Variants in CPNE8 observed in about 807,000 individuals in gnomAD.
CPNE8 encodes copine 8.
CPNE8 carries 45 observed loss-of-function variants against 81.5 expected under a neutral mutation model. The observed-to-expected ratio is 0.55, with a 90% CI of 0.44 to 0.71. The LOEUF (loss-of-function observed/expected upper bound fraction) is 0.71, where lower values mean the gene tolerates loss of function less well. Ranked by LOEUF, CPNE8 falls within the 30% of genes least tolerant of loss-of-function variation. The probability of loss-of-function intolerance (pLI) is 0.00; values close to 1 mark genes in which losing one functional copy is unlikely to be tolerated. For synonymous variants in CPNE8, 252 were observed against 226.3 expected, an observed-to-expected ratio of 1.11 and a Z score of -1.02; for missense variants, 594 against 672.1, an observed-to-expected ratio of 0.88 and a Z score of 1.28.
intron 3 of CPNE8, among the ~76,000 whole-genome samples, chr12:38,850,689 A>G (rs147346320): frequency 2.6e-5 from 4 of 152,130 alleles, no homozygotes; most frequent in Non-Finnish European, 5.9e-5. Flanking sequence ...GCAGCATGTG[A>G]CACAGCTGTC....
chr12:38,760,451 A>ATATATATATATATATATG (rs749406707), intron 10 of CPNE8, among the ~76,000 whole-genome samples: 2,340 of 119,992 alleles, frequency 0.02, 82 homozygotes, highest in East Asian at 0.081. Flanking sequence ...ATATATATAT[A>ATATATATATATATATATG]TGTGTGTGTA....
intron 1 of CPNE8, among the ~76,000 whole-genome samples, chr12:38,904,165 C>T (rs1944529002): frequency 6.6e-6 from 1 of 152,056 alleles, no homozygotes; most frequent in East Asian, 1.9e-4. Context: ...GGCAAGTTTG[C>T]TAAGGAAAGG....
chr12:38,689,804 T>TA (rs1452529551), intron 15 of CPNE8, among the ~76,000 whole-genome samples: 3 of 152,188 alleles, frequency 2.0e-5, no homozygotes, highest in Non-Finnish European at 4.4e-5. Flanking sequence ...TCATTAGAAA[T>TA]ACCTCTACCA....
intron 1 of CPNE8, among the ~76,000 whole-genome samples, chr12:38,880,970 G>A (rs1464878256): frequency 6.6e-6 from 1 of 152,086 alleles, no homozygotes; most frequent in Non-Finnish European, 1.5e-5. Flanking sequence ...CAGCACTTTG[G>A]GAGGCCAAGA....
chr12:38,851,030 G>T (rs1175321591), intron 3 of CPNE8, among the ~76,000 whole-genome samples: 2 of 152,180 alleles, frequency 1.3e-5, no homozygotes, highest in Non-Finnish European at 2.9e-5. Context: ...GCCATCATTT[G>T]CCCTTCCGTC....
chr12:38,810,841 C>A (rs1221645616), intron 6 of CPNE8, among the ~76,000 whole-genome samples: 2 of 152,104 alleles, frequency 1.3e-5, no homozygotes, highest in Non-Finnish European at 2.9e-5. Context: ...AATTCATTTT[C>A]TTCTCATGAT....
chr12:38,890,705 A>AT (rs1379932706), intron 1 of CPNE8, among the ~76,000 whole-genome samples: 1 of 152,020 alleles, frequency 6.6e-6, no homozygotes, highest in Non-Finnish European at 1.5e-5. Context: ...GCTGCACTTT[A>AT]TTAGTTCACC....
rs369254412 is a variant in CPNE8, at chr12:38,750,956, C to A, written c.722+9891G>T. 4.6e-5 allele frequency among the ~76,000 whole-genome samples: 7 copies of A among 152,286 alleles called. No homozygotes were observed. In the East Asian group the frequency reaches 9.7e-4, roughly 21 times the overall value. ...AATTCCCACGTGTTGTGGGAGGGAC[C>A]TGGTGGGAGGTAACTGAATCCTGGG... On this transcript the variant is annotated intron_variant, in intron 10 of 19. Coordinates refer to ENST00000331366, the MANE Select transcript of CPNE8 (RefSeq NM_153634.3).
At chr12:38,904,471 T>TG (rs1491180413) in intron 1 of CPNE8, among the ~76,000 whole-genome samples, 7 of 38,304 alleles carry the variant, frequency 1.8e-4, no homozygotes, top group Non-Finnish European at 3.8e-4. Flanking sequence ...TTTTTTTTTG[T>TG]TTTTTTTTTT....
At position 38,828,115 on chromosome 12, in the gene CPNE8, G is replaced by A. The variant is rs538308426; in HGVS notation, c.407+1264C>T. 2.0e-5 allele frequency among the ~76,000 whole-genome samples: 3 copies of A among 152,220 alleles called. No individual in the cohort carries two copies. The South Asian group carries it at 6.2e-4, about 32-fold the overall frequency. On this transcript the variant is annotated intron_variant, in intron 6 of 19. Coordinates refer to ENST00000331366, the MANE Select transcript of CPNE8 (RefSeq NM_153634.3). ...TTAAAGGCATCTTTAAGGTGGTATT[G>A]CATATATTATTGATTCTTTTTAACG...
intron 7 of CPNE8, among the ~76,000 whole-genome samples, chr12:38,775,408 G>A (rs1307096006): frequency 1.3e-5 from 2 of 152,156 alleles, no homozygotes; most frequent in Non-Finnish European, 2.9e-5. Context: ...AAAATGTTAA[G>A]CTTTTGGTAT....
At chr12:38,675,061 C>T (rs554537091) in intron 18 of CPNE8, among the ~76,000 whole-genome samples, 5 of 152,316 alleles carry the variant, frequency 3.3e-5, no homozygotes, top group Admixed American at 6.5e-5. Flanking sequence ...ACTCGTTACA[C>T]AAACATTTGT....
chr12:38,843,533 T>G (rs1943506625), intron 4 of CPNE8, among the ~76,000 whole-genome samples: 1 of 152,000 alleles, frequency 6.6e-6, no homozygotes, highest in South Asian at 2.1e-4. Context: ...CTGGGATGCC[T>G]GCAAGAAGGG....
chr12:38,717,758 C>A (rs925832080), intron 13 of CPNE8, among the ~76,000 whole-genome samples: 1 of 151,252 alleles, frequency 6.6e-6, no homozygotes, highest in Non-Finnish European at 1.5e-5. Flanking sequence ...AAAATCACCA[C>A]TAAAGAACTT....
chr12:38,855,326 C>A (rs559864179), intron 3 of CPNE8, among the ~76,000 whole-genome samples: 13 of 151,930 alleles, frequency 8.6e-5, no homozygotes, highest in African/African-American at 1.2e-4. Context: ...ATGATGTAAT[C>A]TCTATCAAAA....
At chr12:38,825,814 T>C (rs1341658934) in intron 6 of CPNE8, among the ~76,000 whole-genome samples, 2 of 152,214 alleles carry the variant, frequency 1.3e-5, no homozygotes, top group Non-Finnish European at 2.9e-5. Flanking sequence ...CGTTGGAACA[T>C]CTGATCCAGT....
At chr12:38,781,738 A>G (rs1942057204) in intron 6 of CPNE8, among the ~76,000 whole-genome samples, 1 of 152,120 alleles carries the variant, frequency 6.6e-6, no homozygotes, top group South Asian at 2.1e-4. Context: ...ATCACCAGTG[A>G]TAAGTCATAT....
chr12:38,737,096 T>C (rs1446271957), intron 10 of CPNE8, among the ~76,000 whole-genome samples: 1 of 151,910 alleles, frequency 6.6e-6, no homozygotes, highest in Non-Finnish European at 1.5e-5. Flanking sequence ...CAGTAAGTTG[T>C]AATTTTTTTC....
intron 10 of CPNE8, among the ~76,000 whole-genome samples, chr12:38,760,453 G>GTATATATATATATA (rs1565601623): frequency 2.4e-5 from 3 of 125,810 alleles, no homozygotes; most frequent in African/African-American, 1.1e-4. Flanking sequence ...ATATATATAT[G>GTATATATATATATA]TGTGTGTATA....
Sources: allele counts gnomAD v4.1 joint callset (sites outside exome capture counted in the v4.1 genomes callset), GRCh38; gene constraint gnomAD v4.1.1; transcripts MANE v1.5; gene names NCBI Gene and HGNC (gene_info 2026-07-23, HGNC 2026-07-21).